CPN1: variants seen among roughly 807,000 people sequenced by gnomAD.
CPN1 encodes carboxypeptidase N catalytic chain.
In CPN1, 37 loss-of-function variants were observed where a neutral mutation model predicts 46.4. The observed-to-expected ratio is 0.80, with a 90% CI of 0.61 to 1.05. CPN1 has a LOEUF of 1.05. Among genes scored for constraint, CPN1 ranks in the 50% least tolerant of loss-of-function variants. CPN1 has a pLI of 0.00. For missense variants in CPN1, 563 were observed against 602.6 expected (o/e 0.93, Z 0.69); for synonymous variants, 224 against 235.4 (o/e 0.95, Z 0.44).
At chr10:100,064,611 C>T (rs1328018284) in intron 4 of CPN1, among the ~76,000 whole-genome samples, 2 of 151,828 alleles carry the variant, frequency 1.3e-5, no homozygotes, top group African/African-American at 2.4e-5. Context: ...AAACTCCTGA[C>T]CTCAGGCAAT....
At chr10:100,051,730 C>A (rs562869695) in intron 7 of CPN1, among the ~76,000 whole-genome samples, 1 of 151,688 alleles carries the variant, frequency 6.6e-6, no homozygotes, top group Non-Finnish European at 1.5e-5. Context: ...GGTTTTACCA[C>A]GTAGGCCAGG....
At chr10:100,056,952 G>A (rs888062146) in intron 6 of CPN1, 61 bp downstream of exon 6, 6 of 1,608,532 alleles carry the variant, frequency 3.7e-6, no homozygotes, top group East Asian at 2.2e-5. Flanking sequence ...GAAACACCTT[G>A]CCTGCCATTG....
intron 5 of CPN1, among the ~76,000 whole-genome samples, chr10:100,062,256 C>T (rs1189729459): frequency 6.6e-6 from 1 of 152,220 alleles, no homozygotes; most frequent in African/African-American, 2.4e-5. Flanking sequence ...GGCTCATAAA[C>T]GGAGGTTCTA....
At chr10:100,058,125 G>A (rs1055643479) in intron 5 of CPN1, among the ~76,000 whole-genome samples, 7 of 151,138 alleles carry the variant, frequency 4.6e-5, no homozygotes, top group Non-Finnish European at 7.4e-5. Flanking sequence ...CTGCAGTTTC[G>A]TTTCCTCTCT....
At position 100,076,161 on chromosome 10, in the gene CPN1, C is replaced by T. The variant is rs878952186; in HGVS notation, c.224-54G>A. ...CTTGGAAGTGTCATTGATGCCTAACCTTGCAGAAGGACCTTTTTTCTCTTT... is the reference window on the plus strand; with the variant it reads ...CTTGGAAGTGTCATTGATGCCTAACTTTGCAGAAGGACCTTTTTTCTCTTT... On this transcript the variant is annotated intron_variant, in intron 1 of 8. Transcript: ENST00000370418. The T allele has an allele frequency of 1.6e-5, 25 of 1,549,728 alleles. No individual in the cohort carries two copies. The South Asian group carries it at 2.8e-4, about 17-fold the overall frequency.
chr10:100,042,746 G>A (rs2041283760), intron 8 of CPN1, among the ~76,000 whole-genome samples, 173 bp from the exon 9 acceptor site: 1 of 152,032 alleles, frequency 6.6e-6, no homozygotes. Flanking sequence ...GCAATCATTG[G>A]TGATAGATAG....
At chr10:100,052,322 C>T (rs1360052990) in intron 7 of CPN1, among the ~76,000 whole-genome samples, 2 of 151,990 alleles carry the variant, frequency 1.3e-5, no homozygotes, top group East Asian at 1.9e-4. Flanking sequence ...CCCCCCACCT[C>T]GGCCTCCCAA....
intron 2 of CPN1, 121 bp downstream of exon 2, chr10:100,075,790 T>C: frequency 8.9e-7 from 1 of 1,123,994 alleles, no homozygotes; most frequent in Non-Finnish European, 1.3e-6. Flanking sequence ...CTTGGCCATT[T>C]CATCTTTTAC....
rs367933092 is a variant in CPN1, at chr10:100,055,349, T to TCC, written c.1012-905_1012-904dup. 8.7e-3 allele frequency among the ~76,000 whole-genome samples: 1,252 copies of TCC among 144,148 alleles called. 20 individuals are homozygous for TCC. Among genetic ancestry groups the TCC allele is most frequent in the African/African-American group, 0.031 (1,195 of 39,062 alleles). The allele number at this position is 144,148 out of a possible 152,430, so 94.6% of individuals were successfully genotyped here. A position where few individuals can be genotyped will look rare whatever the true frequency, so the allele number is the denominator to read the frequency against. On this transcript the variant is annotated intron_variant, in intron 6 of 8. Coordinates refer to ENST00000370418, the MANE Select transcript of CPN1 (RefSeq NM_001308.3). ...TCTATTAAACAATGATTCTCCATTA[T>TCC]CCCCCCCCCCAGCCCCTGGCAACCA...
In CPN1 at chr10:100,059,694, A is replaced by C. The variant is rs145286420; in HGVS notation, c.872-2542T>G. 3.1e-3 allele frequency among the ~76,000 whole-genome samples: 478 copies of C among 152,232 alleles called. 4 individuals carry two copies. Among genetic ancestry groups the C allele is most frequent in the African/African-American group, 0.011 (448 of 41,550 alleles). Reference sequence around the variant, plus strand: ...AAACAGTATGGTAGTTCCTCAAAAAAATTAAAAATAGAACTACCTTATGTC... The same window carrying C: ...AAACAGTATGGTAGTTCCTCAAAAACATTAAAAATAGAACTACCTTATGTC... On this transcript the variant is annotated intron_variant, in intron 5 of 8. Transcript: ENST00000370418.
chr10:100,055,535 T>G (rs2041380492), intron 6 of CPN1, among the ~76,000 whole-genome samples: 1 of 152,164 alleles, frequency 6.6e-6, no homozygotes, highest in East Asian at 1.9e-4. Context: ...ATTTCCTTCC[T>G]TTTTTTGAGA....
intron 7 of CPN1, 68 bp from the exon 8 acceptor site, chr10:100,048,944 A>C: frequency 7.9e-7 from 1 of 1,262,596 alleles, no homozygotes; most frequent in African/African-American, 1.5e-5. Context: ...TAGGGTTTTT[A>C]TCTGACTACA....
intron 1 of CPN1, 32 bp downstream of exon 1, chr10:100,081,371 C>T: frequency 6.3e-7 from 1 of 1,590,526 alleles, no homozygotes. Flanking sequence ...AGGCCCTGCC[C>T]CACACACCCT....
intron 1 of CPN1, among the ~76,000 whole-genome samples, chr10:100,077,477 C>T (rs2041522150): frequency 6.6e-6 from 1 of 152,156 alleles, no homozygotes; most frequent in African/African-American, 2.4e-5. Flanking sequence ...GTGATCCACC[C>T]GCCTTGGCCT....
chr10:100,069,072 G>T (rs2041470511), intron 3 of CPN1, among the ~76,000 whole-genome samples: 2 of 152,188 alleles, frequency 1.3e-5, no homozygotes, highest in African/African-American at 4.8e-5. Flanking sequence ...ACTGCTTGGT[G>T]CATTTCACAT....
intron 7 of CPN1, 61 bp from the exon 8 acceptor site, chr10:100,048,937 G>A (rs74152939): frequency 1.5e-6 from 2 of 1,330,588 alleles, no homozygotes; most frequent in Non-Finnish European, 2.2e-6. Context: ...AATAAGCTAG[G>A]GTTTTTATCT....
intron 7 of CPN1, among the ~76,000 whole-genome samples, chr10:100,049,408 G>A (rs571427493): frequency 1.3e-5 from 2 of 151,222 alleles, no homozygotes; most frequent in South Asian, 2.1e-4. Flanking sequence ...GATTAGAGGC[G>A]TGCACCACCA....
At position 100,042,277 on chromosome 10, in the gene CPN1, C is replaced by T. The variant is rs1483262914; in HGVS notation, c.*150G>A. ...TTTTTTCATGATGACCTAGAGATGG[C>T]TTACCCCTGGAACAGATGGAGACCA... On this transcript the variant is annotated 3_prime_UTR_variant, in exon 9 of 9. Coordinates refer to ENST00000370418, the MANE Select transcript of CPN1 (RefSeq NM_001308.3). The T allele has an allele frequency of 3.7e-6, 4 of 1,094,000 alleles. No homozygotes were observed. The highest frequency in any genetic ancestry group is 1.8e-5 in the Admixed American group (1 of 54,216). 67.8% of individuals were successfully genotyped at this position (1,094,000 alleles called of 1,614,324 possible). A position where few individuals can be genotyped will look rare whatever the true frequency, so the allele number is the denominator to read the frequency against.
At chr10:100,051,302 G>A (rs1466152134) in intron 7 of CPN1, among the ~76,000 whole-genome samples, 2 of 152,002 alleles carry the variant, frequency 1.3e-5, no homozygotes, top group Non-Finnish European at 2.9e-5. Context: ...AAATACTTCA[G>A]CAAAGTACAT....
Sources: allele counts gnomAD v4.1 joint callset (sites outside exome capture counted in the v4.1 genomes callset), GRCh38; gene constraint gnomAD v4.1.1; transcripts MANE v1.5; gene names NCBI Gene and HGNC (gene_info 2026-07-23, HGNC 2026-07-21).